Variants in BATF observed in about 807,000 individuals in gnomAD.
The protein encoded by BATF is basic leucine zipper ATF-like transcription factor.
In BATF, 5 loss-of-function variants were observed where a neutral mutation model predicts 13.7. The ratio of observed to expected loss-of-function variants is 0.36; its 90% CI spans 0.19 to 0.77. The LOEUF (loss-of-function observed/expected upper bound fraction) is 0.77. Among genes scored for constraint, BATF ranks in the 30% least tolerant of loss-of-function variants. The pLI is 0.51. For missense variants in BATF, 124 were observed against 163.0 expected (o/e 0.76, Z 1.30); for synonymous variants, 72 against 67.5 (o/e 1.07, Z -0.33).
chr14:75,543,225 G>A (rs1413121876), intron 2 of BATF, among the ~76,000 whole-genome samples: 1 of 152,186 alleles, frequency 6.6e-6, no homozygotes, highest in Non-Finnish European at 1.5e-5. Flanking sequence ...TGAATGAGCC[G>A]GCCACACCTT....
intron 2 of BATF, among the ~76,000 whole-genome samples, chr14:75,543,828 C>CA (rs574504710): frequency 0.019 from 2,615 of 140,462 alleles, 24 homozygotes; most frequent in East Asian, 0.042. Flanking sequence ...AAGACTGTCT[C>CA]AAAAAAAAAA....
At chr14:75,545,933 A>G (rs1887978051) in intron 2 of BATF, among the ~76,000 whole-genome samples, 1 of 152,106 alleles carries the variant, frequency 6.6e-6, no homozygotes, top group South Asian at 2.1e-4. Context: ...ATCTCGGCTC[A>G]CTGCAACCTC....
At chr14:75,530,126 G>A (rs1887713187) in intron 2 of BATF, among the ~76,000 whole-genome samples, 2 of 149,540 alleles carry the variant, frequency 1.3e-5, no homozygotes, top group South Asian at 2.1e-4. Flanking sequence ...TTACAGAAAA[G>A]AGAAATAAGT....
chr14:75,531,448 G>C (rs935678416), intron 2 of BATF, among the ~76,000 whole-genome samples: 2 of 152,182 alleles, frequency 1.3e-5, no homozygotes, highest in African/African-American at 2.4e-5. Context: ...GCCCTGAGCC[G>C]AGCTGTTGAC....
intron 2 of BATF, among the ~76,000 whole-genome samples, chr14:75,537,986 G>C (rs1215958742): frequency 2.6e-5 from 4 of 151,980 alleles, no homozygotes; most frequent in Admixed American, 1.3e-4. Context: ...TTGAGATAAG[G>C]TTTCACTCTT....
In BATF at chr14:75,539,424, A is replaced by ATTTTTTTTTTTTTT. The variant is rs1162218076; in HGVS notation, c.169-7024_169-7011dup. On this transcript the variant is annotated intron_variant, in intron 2 of 2. Transcript: ENST00000286639. The stretch of plus-strand genomic sequence containing the variant: ...TAGCTACAAGGTAAGGTAAGCTGGA[A>ATTTTTTTTTTTTTT]TTTTTTTTTTTTTTTTTTTTTTTTT... Among the ~76,000 whole-genome samples, 83 of 58,548 alleles carry ATTTTTTTTTTTTTT rather than the reference A, an allele frequency of 1.4e-3. 20 individuals carry two copies. The highest frequency in any genetic ancestry group is 5.5e-3 in the African/African-American group (77 of 14,086). 38.4% of individuals were successfully genotyped at this position (58,548 alleles called of 152,430 possible).
chr14:75,539,424 ATT>A (rs1162218076), intron 2 of BATF, among the ~76,000 whole-genome samples: 5 of 58,550 alleles, frequency 8.5e-5, no homozygotes, highest in African/African-American at 1.4e-4. Context: ...GTAAGCTGGA[ATT>A]TTTTTTTTTT....
intron 2 of BATF, among the ~76,000 whole-genome samples, chr14:75,529,880 C>T (rs1233088867): frequency 2.0e-5 from 3 of 151,840 alleles, no homozygotes; most frequent in Middle Eastern, 3.2e-3. Context: ...CTGGCTAACA[C>T]AGTGAAACCC....
rs754697892 is a variant in BATF at position 75,522,632 on chromosome 14, A to G, written c.-51A>G. On this transcript the variant is annotated 5_prime_UTR_variant, in exon 1 of 3. Coordinates refer to ENST00000286639, the MANE Select transcript of BATF (RefSeq NM_006399.5). ...GGAAGGGAGCCCAGCTGGTGACAAG[A>G]GAGCCCAGAGGTGCCTGGGGCTGAG... 2 of 1,606,322 alleles carry G rather than the reference A, an allele frequency of 1.2e-6. No homozygotes were observed. Among genetic ancestry groups the G allele is most frequent in the Admixed American group, 1.7e-5 (1 of 60,000 alleles).
intron 2 of BATF, among the ~76,000 whole-genome samples, chr14:75,536,963 G>A (rs1312348754): frequency 2.0e-4 from 30 of 151,984 alleles, no homozygotes; most frequent in Non-Finnish European, 8.8e-5. Context: ...TTTTTACACT[G>A]TTCCTTTGTT....
chr14:75,536,038 A>T (rs1262086075), intron 2 of BATF, among the ~76,000 whole-genome samples: 1 of 152,262 alleles, frequency 6.6e-6, no homozygotes, highest in East Asian at 1.9e-4. Flanking sequence ...AGCCAGGAAC[A>T]GTTCGTTCTA....
At chr14:75,530,050 C>T (rs1363464193) in intron 2 of BATF, among the ~76,000 whole-genome samples, 2 of 122,050 alleles carry the variant, frequency 1.6e-5, no homozygotes, top group African/African-American at 3.0e-5. Context: ...GGAGACAGAG[C>T]GAGACTCCGT....
chr14:75,523,220 AAAAG>A (rs1359152315), intron 1 of BATF, among the ~76,000 whole-genome samples: 5 of 109,794 alleles, frequency 4.6e-5, no homozygotes, highest in African/African-American at 1.3e-4. Context: ...AAAAAAAAAA[AAAAG>A]AAGAAGAAGA....
intron 2 of BATF, among the ~76,000 whole-genome samples, chr14:75,542,524 G>T (rs890107238): frequency 2.0e-5 from 3 of 152,246 alleles, no homozygotes; most frequent in Non-Finnish European, 2.9e-5. Context: ...TTTGCCAGTT[G>T]TCCCTTCAGC....
chr14:75,525,823 TTGTCTCGCAG>T (rs1859639924), intron 2 of BATF, among the ~76,000 whole-genome samples: 1 of 131,510 alleles, frequency 7.6e-6, no homozygotes, highest in Admixed American at 7.0e-5. Flanking sequence ...GGACGGCCCA[TTGTCTCGCAG>T]TGCAAGGACC....
Position 75,546,502 on chromosome 14 carries a change from A to G in BATF, c.209A>G (p.Lys70Arg). The change falls in exon 3 of 3, where the codon AAG becomes AGG. Residue 70 changes from lysine (K) to arginine (R), a missense_variant. By Grantham distance (26) the Lys-to-Arg change is conservative (BLOSUM62 2). Transcript: ENST00000286639. Reference protein sequence around the residue: ...DLEKQNAALRKEIKQLTEELK... With the variant: ...DLEKQNAALRREIKQLTEELK... The stretch of plus-strand genomic sequence containing the variant: ...GAGAAACAGAACGCGGCTCTACGCA[A>G]GGAGATCAAGCAGCTCACAGAGGAA... 1 of 1,614,186 alleles carries G rather than the reference A, an allele frequency of 6.2e-7. No individual in the cohort carries two copies.
intron 2 of BATF, among the ~76,000 whole-genome samples, chr14:75,540,350 C>T (rs181090185): frequency 2.0e-5 from 3 of 152,184 alleles, no homozygotes; most frequent in Admixed American, 6.5e-5. Context: ...TGTTCCCACG[C>T]CCCCAGGAAG....
chr14:75,539,521 C>T (rs905916430), intron 2 of BATF, among the ~76,000 whole-genome samples: 1 of 135,980 alleles, frequency 7.4e-6, no homozygotes, highest in African/African-American at 2.7e-5. Flanking sequence ...GCTGAATGAA[C>T]CAAACTATAG....
intron 2 of BATF, among the ~76,000 whole-genome samples, chr14:75,528,950 G>C (rs1011230192): frequency 6.6e-6 from 1 of 152,200 alleles, no homozygotes; most frequent in Non-Finnish European, 1.5e-5. Flanking sequence ...ATTATGAAGA[G>C]TGTATCCTAA....
Sources: allele counts gnomAD v4.1 joint callset (sites outside exome capture counted in the v4.1 genomes callset), GRCh38; gene constraint gnomAD v4.1.1; transcripts MANE v1.5; gene names NCBI Gene and HGNC (gene_info 2026-07-23, HGNC 2026-07-21).